Variants in FYCO1 observed in about 807,000 individuals in gnomAD.
The protein encoded by FYCO1 is FYVE and coiled-coil domain-containing protein 1.
FYCO1 carries 122 observed loss-of-function variants against 165.1 expected under a neutral mutation model. That is an observed-to-expected ratio of 0.74 (90% CI 0.64 to 0.86). The LOEUF (loss-of-function observed/expected upper bound fraction) is 0.86, where lower values mean the gene tolerates loss of function less well. Among genes scored for constraint, FYCO1 ranks in the 40% least tolerant of loss-of-function variants. The pLI, the probability that FYCO1 is intolerant of heterozygous loss-of-function variation, is 0.00. For synonymous variants in FYCO1, 648 were observed against 742.5 expected, an observed-to-expected ratio of 0.87 and a Z score of 2.07; for missense variants, 1,702 against 1,810.3, an observed-to-expected ratio of 0.94 and a Z score of 1.09.
chr3:45,961,167 C>T (rs1477172490), intron 11 of FYCO1, among the ~76,000 whole-genome samples: 1 of 152,110 alleles, frequency 6.6e-6, no homozygotes, highest in East Asian at 1.9e-4. Context: ...CTGATTAGAA[C>T]GACCTGAAAA....
Position 45,921,449 on chromosome 3 carries a change from G to C in FYCO1, c.*316C>G. On this transcript the variant is annotated 3_prime_UTR_variant, in exon 18 of 18. Coordinates refer to ENST00000296137, the MANE Select transcript of FYCO1 (RefSeq NM_024513.4). ...TGAAACTCTCCACAAGAGGCCTGTA[G>C]CCAACTGTGCTCCCAGGAGAGGCTG... 2.6e-6 allele frequency: 1 copy of C among 388,222 alleles called. No individual in the cohort carries two copies. Among genetic ancestry groups the C allele is most frequent in the Non-Finnish European group, 4.9e-6 (1 of 202,322 alleles). The allele number at this position is 388,222 out of a possible 1,614,324, so 24.0% of individuals were successfully genotyped here. A position where few individuals can be genotyped will look rare whatever the true frequency, so the allele number is the denominator to read the frequency against.
In FYCO1 at chr3:45,955,232, G is replaced by A. The variant is rs759409894; in HGVS notation, c.3944+17C>T. 12 of 1,613,222 alleles carry A rather than the reference G, an allele frequency of 7.4e-6. No individual in the cohort carries two copies. The South Asian group carries it at 1.3e-4, about 18-fold the overall frequency. ...CCTGTAATGAGCACTCAGGAAATGG[G>A]GGTGACCTCTACTCACTGTTCAGCC... On this transcript the variant is annotated intron_variant, in intron 14 of 17. Coordinates refer to ENST00000296137, the MANE Select transcript of FYCO1 (RefSeq NM_024513.4).
chr3:45,959,224 A>G (rs1327494985), intron 12 of FYCO1, among the ~76,000 whole-genome samples, 169 bp downstream of exon 12: 1 of 152,246 alleles, frequency 6.6e-6, no homozygotes, highest in East Asian at 1.9e-4. Flanking sequence ...TAGGATCCCA[A>G]CTAATACACC....
intron 14 of FYCO1, among the ~76,000 whole-genome samples, chr3:45,944,418 C>T (rs1214122729): frequency 1.3e-5 from 2 of 152,012 alleles, no homozygotes; most frequent in African/African-American, 4.8e-5. Flanking sequence ...TTGCATTTTC[C>T]AAAATCAGTA....
chr3:45,945,655 C>T (rs2125820806), intron 14 of FYCO1: 1 of 152,268 alleles, frequency 6.6e-6, no homozygotes, highest in South Asian at 2.1e-4. Context: ...TAAGAGACTT[C>T]TTGTTCAGAA....
In FYCO1 at chr3:45,936,472, C is replaced by T; in HGVS notation, c.4016G>A (p.Cys1339Tyr). 6.2e-7 allele frequency: 1 copy of T among 1,613,892 alleles called. No individual in the cohort carries two copies. ...DMPVGQDSEI[C>Y]LLKSGELMIK... ...CATCAGTTCTCCAGACTTCAGCAGGCAGATTTCCGAATCCTGCCCCACGGG... is the reference window on the plus strand; with the variant it reads ...CATCAGTTCTCCAGACTTCAGCAGGTAGATTTCCGAATCCTGCCCCACGGG... Residue 1339 changes from cysteine to tyrosine, a missense_variant, in exon 15 of 18, where the codon TGC becomes TAC. Coordinates refer to ENST00000296137, the MANE Select transcript of FYCO1 (RefSeq NM_024513.4).
At position 45,962,397 on chromosome 3, in the gene FYCO1, G is replaced by C. The variant is rs1470384567; in HGVS notation, c.3270-5C>G. ...TTTTCGAGTTCCTTCTGGGTCCTGGGGGAGGAGTGGTAAGTTTTCTTGATT... is the reference window on the plus strand; with the variant it reads ...TTTTCGAGTTCCTTCTGGGTCCTGGCGGAGGAGTGGTAAGTTTTCTTGATT... On this transcript the variant is annotated splice_polypyrimidine_tract_variant and splice_region_variant and intron_variant, in intron 10 of 17. Coordinates refer to ENST00000296137, the MANE Select transcript of FYCO1 (RefSeq NM_024513.4). The surrounding 1 kb of genome is among the most constrained non-coding windows in gnomAD (Gnocchi z 4.4). 1 of 1,614,002 alleles carries C rather than the reference G, an allele frequency of 6.2e-7. No homozygotes were observed. The highest frequency in any genetic ancestry group is 1.3e-5 in the African/African-American group (1 of 75,010).
chr3:45,978,315 C>T (rs1253473441), intron 4 of FYCO1, among the ~76,000 whole-genome samples: 1 of 152,170 alleles, frequency 6.6e-6, no homozygotes, highest in African/African-American at 2.4e-5. Context: ...TTATGATGCA[C>T]TAAAATTAAA....
At chr3:45,986,272 G>A (rs1458120932) in intron 1 of FYCO1, among the ~76,000 whole-genome samples, 1 of 152,072 alleles carries the variant, frequency 6.6e-6, no homozygotes, top group Non-Finnish European at 1.5e-5. Flanking sequence ...ACTTCCACCG[G>A]CTCGAGGTAC....
At chr3:45,959,590 C>A in intron 11 of FYCO1, 48 bp from the exon 12 acceptor site, 1 of 1,575,108 alleles carries the variant, frequency 6.3e-7, no homozygotes, top group Non-Finnish European at 8.7e-7. Context: ...TCCATGAAAA[C>A]AATAGGATGA....
At chr3:45,971,801 C>T (rs1706464789) in intron 6 of FYCO1, among the ~76,000 whole-genome samples, 1 of 152,048 alleles carries the variant, frequency 6.6e-6, no homozygotes. Context: ...GGGATTGGAC[C>T]TTAGATTATG....
At chr3:45,989,485 G>A (rs1216661387) in intron 1 of FYCO1, among the ~76,000 whole-genome samples, 2 of 152,220 alleles carry the variant, frequency 1.3e-5, no homozygotes, top group Non-Finnish European at 2.9e-5. Flanking sequence ...GTGGCTAGGA[G>A]AGTGCTCCGG....
chr3:45,928,160 A>G (rs756121268), intron 16 of FYCO1, among the ~76,000 whole-genome samples: 5 of 152,228 alleles, frequency 3.3e-5, no homozygotes, highest in Non-Finnish European at 7.3e-5. Context: ...CTAAAATTAG[A>G]CAGTGGTAAT....
chr3:45,947,078 GTTC>G (rs750837705), intron 14 of FYCO1: 68 of 1,614,092 alleles, frequency 4.2e-5, no homozygotes, highest in Non-Finnish European at 5.5e-5. Flanking sequence ...TGACACTGGG[GTTC>G]TTCTTGCCAC....
chr3:45,995,255 G>A (rs1289421972), intron 1 of FYCO1, among the ~76,000 whole-genome samples: 1 of 152,248 alleles, frequency 6.6e-6, no homozygotes, highest in Non-Finnish European at 1.5e-5. Context: ...TGGGAAGAGG[G>A]CAGAGATCCG....
At chr3:45,941,102 C>A (rs1359713800) in intron 14 of FYCO1, 2 of 152,216 alleles carry the variant, frequency 1.3e-5, no homozygotes, top group Non-Finnish European at 2.9e-5. Context: ...CCCAGGCTGG[C>A]CTCAAACTCC....
At position 45,964,219 on chromosome 3, in the gene FYCO1, C is replaced by A; in HGVS notation, c.3269+117G>T. ...GCAGAAGCACTTTCTGAGTTTGTGG[C>A]TTTTCTTGCAAAAGGACTTCCTAAA... is the stretch of plus-strand genomic sequence containing the variant. On this transcript the variant is annotated intron_variant, in intron 10 of 17. Coordinates refer to ENST00000296137, the MANE Select transcript of FYCO1 (RefSeq NM_024513.4). The surrounding 1 kb of genome is among the most constrained non-coding windows in gnomAD (Gnocchi z 4.1). 4.5e-6 allele frequency: 4 copies of A among 886,480 alleles called. No homozygotes were observed. The highest frequency in any genetic ancestry group is 7.6e-6 in the Non-Finnish European group (4 of 526,392). The allele number at this position is 886,480 out of a possible 1,614,324, so 54.9% of individuals were successfully genotyped here.
chr3:45,930,205 A>G (rs559441403), intron 16 of FYCO1, among the ~76,000 whole-genome samples: 1 of 152,130 alleles, frequency 6.6e-6, no homozygotes, highest in Admixed American at 6.5e-5. Context: ...CATTTCTTTC[A>G]CTCAGAATGA....
In FYCO1 at chr3:45,955,269, G is replaced by A. The variant is rs1463680; in HGVS notation, c.3924C>T (p.Leu1308=). 1,197,447 of 1,613,656 alleles carry A rather than the reference G, an allele frequency of 0.74. 448,203 individuals carry two copies. Among genetic ancestry groups the A allele is most frequent in the East Asian group, 0.94 (42,273 of 44,882 alleles). ...CTCACTGTTCAGCCGCATTTGGGTC[G>A]AGAGAATCAGTTTCAGTGGGTGTTT... ...LPETPTETDS[L]DPNAAEQDTT... is the part of the protein sequence containing the mutation. The change falls in exon 14 of 18, where the codon CTC becomes CTT. Residue 1308 remains leucine, a synonymous_variant. Coordinates refer to ENST00000296137, the MANE Select transcript of FYCO1 (RefSeq NM_024513.4).
Sources: gnomAD v4.1 joint callset for allele counts (sites outside exome capture counted in the v4.1 genomes callset) on GRCh38, gnomAD v4.1.1 for gene constraint, Gnocchi (gnomAD v3.1) non-coding constraint, MANE v1.5 for transcripts, NCBI Gene and HGNC (gene_info 2026-07-23, HGNC 2026-07-21) for gene names.